RINT1: variants seen among roughly 807,000 people sequenced by gnomAD.
RINT1 encodes RAD50 interactor 1.
RINT1 carries 75 observed loss-of-function variants against 97.7 expected under a neutral mutation model. That is an observed-to-expected ratio of 0.77 (90% CI 0.64 to 0.93). The LOEUF is 0.93. Among genes scored for constraint, RINT1 ranks in the 40% least tolerant of loss-of-function variants. The pLI, the probability that RINT1 is intolerant of heterozygous loss-of-function variation, is 0.00. For missense variants in RINT1, 892 were observed against 925.2 expected (o/e 0.96, Z 0.47); for synonymous variants, 303 against 326.3 (o/e 0.93, Z 0.77).
chr7:105,532,207 C>G lies in RINT1; in HGVS notation c.-109C>G, dbSNP rs1165341726. 5 of 1,233,488 alleles carry G rather than the reference C, an allele frequency of 4.1e-6. No individual in the cohort carries two copies. Among genetic ancestry groups the G allele is most frequent in the Middle Eastern group, 2.7e-4 (1 of 3,700 alleles). 76.4% of individuals were successfully genotyped at this position (1,233,488 alleles called of 1,614,324 possible). A position where few individuals can be genotyped will look rare whatever the true frequency, so the allele number is the denominator to read the frequency against. On this transcript the variant is annotated 5_prime_UTR_variant, in exon 1 of 15. Transcript: ENST00000257700. ...ACATCGAGAGGAAGTCGCTGTGGCACTCAGTCCTACGGCCTCCGAGGCTGG... is the reference window on the plus strand; with the variant it reads ...ACATCGAGAGGAAGTCGCTGTGGCAGTCAGTCCTACGGCCTCCGAGGCTGG...
At position 105,542,661 on chromosome 7, in the gene RINT1, C is replaced by T. The variant is rs916199781; in HGVS notation, c.515+12C>T. 14 of 1,610,318 alleles carry T rather than the reference C, an allele frequency of 8.7e-6. No individual in the cohort carries two copies. Among genetic ancestry groups the T allele is most frequent in the Non-Finnish European group, 1.2e-5 (14 of 1,178,108 alleles). ...ATTGAAGAACTAAGGTAAAATGGGC[C>T]TCTTTGTTCTCACAATTACTATTTT... is the stretch of plus-strand genomic sequence containing the variant. On this transcript the variant is annotated intron_variant, in intron 4 of 14. Transcript: ENST00000257700.
At chr7:105,558,305 A>T (rs917470894) in intron 11 of RINT1, among the ~76,000 whole-genome samples, 1 of 151,678 alleles carries the variant, frequency 6.6e-6, no homozygotes, top group Non-Finnish European at 1.5e-5. Flanking sequence ...AAAAAAAAAA[A>T]AAAATAAAGT....
At chr7:105,547,633 C>T (rs1338150309) in intron 6 of RINT1, among the ~76,000 whole-genome samples, 4 of 151,064 alleles carry the variant, frequency 2.6e-5, no homozygotes, top group East Asian at 1.9e-4. Context: ...AGTGTCATAG[C>T]GTGAATTTAA....
intron 11 of RINT1, among the ~76,000 whole-genome samples, chr7:105,562,785 C>T (rs188567350): frequency 3.9e-5 from 6 of 152,182 alleles, no homozygotes. Flanking sequence ...CGCCCGTAAT[C>T]CCAGGTACTT....
rs368593423 is a variant in RINT1, at chr7:105,539,857, A to G, written c.274-2551A>G. ...TTATTGCATTAATCCCACTGTTGAA[A>G]TTATTTGCTTACAACACTCTTATAT... On this transcript the variant is annotated intron_variant, in intron 3 of 14. Coordinates refer to ENST00000257700, the MANE Select transcript of RINT1 (RefSeq NM_021930.6). 2.7e-3 allele frequency among the ~76,000 whole-genome samples: 405 copies of G among 152,278 alleles called. 3 individuals carry two copies. The highest frequency in any genetic ancestry group is 9.3e-3 in the African/African-American group (385 of 41,552).
intron 3 of RINT1, among the ~76,000 whole-genome samples, chr7:105,540,540 G>T (rs918552629): frequency 2.6e-5 from 4 of 152,132 alleles, no homozygotes; most frequent in Non-Finnish European, 4.4e-5. Context: ...AGGATTACAG[G>T]CATGAGACAC....
At chr7:105,537,483 A>G (rs756145931) in intron 3 of RINT1, among the ~76,000 whole-genome samples, 6 of 152,008 alleles carry the variant, frequency 3.9e-5, no homozygotes, top group Non-Finnish European at 5.9e-5. Flanking sequence ...AGTGAAAAGA[A>G]GTATAACGTA....
intron 9 of RINT1, 102 bp from the exon 10 acceptor site, chr7:105,551,468 T>C: frequency 9.6e-7 from 1 of 1,045,808 alleles, no homozygotes; most frequent in Middle Eastern, 2.4e-4. Flanking sequence ...TAGGTTTGTT[T>C]CTTTTTTATA....
intron 7 of RINT1, among the ~76,000 whole-genome samples, chr7:105,549,749 T>G (rs1790847148): frequency 1.3e-5 from 2 of 152,216 alleles, no homozygotes; most frequent in African/African-American, 4.8e-5. Context: ...GGCCATCAGT[T>G]CTTTGTAATA....
chr7:105,543,051 A>AT (rs929677870), intron 4 of RINT1, among the ~76,000 whole-genome samples: 34 of 146,486 alleles, frequency 2.3e-4, no homozygotes, highest in East Asian at 1.0e-3. Flanking sequence ...TGCCTGGCTA[A>AT]TTTTTTTTTT....
chr7:105,563,901 G>C lies in RINT1; in HGVS notation c.1840G>C (p.Val614Leu). The change falls in exon 12 of 15, where the codon GTT (valine) becomes CTT (leucine). Residue 614 changes from valine to leucine, a missense_variant. Physicochemically the swap from Val to Leu is conservative, Grantham distance 32 (BLOSUM62 1). Coordinates refer to ENST00000257700, the MANE Select transcript of RINT1 (RefSeq NM_021930.6). Reference sequence around the variant, plus strand: ...TATGTTGACCCGTCAAGTAGACCACGTTTTTAGAGAAGTTAAAGATGCTGC... The same window carrying C: ...TATGTTGACCCGTCAAGTAGACCACCTTTTTAGAGAAGTTAAAGATGCTGC... ...HDMLTRQVDHVFREVKDAAKL... is the reference protein window; with the variant it reads ...HDMLTRQVDHLFREVKDAAKL... 2 of 1,614,030 alleles carry C rather than the reference G, an allele frequency of 1.2e-6. No individual in the cohort carries two copies. Among genetic ancestry groups the C allele is most frequent in the Non-Finnish European group, 1.7e-6 (2 of 1,179,986 alleles).
chr7:105,557,040 G>A (rs1328648660), intron 11 of RINT1, among the ~76,000 whole-genome samples: 1 of 152,156 alleles, frequency 6.6e-6, no homozygotes, highest in East Asian at 1.9e-4. Context: ...CAACTTGGGT[G>A]TCCCATAAAG....
chr7:105,550,209 T>A, intron 8 of RINT1, 44 bp downstream of exon 8: 1 of 1,603,196 alleles, frequency 6.2e-7, no homozygotes, highest in South Asian at 1.1e-5. Context: ...GAACTGTATG[T>A]GTGCATGGAT....
intron 11 of RINT1, among the ~76,000 whole-genome samples, chr7:105,559,901 G>C (rs999273880): frequency 6.6e-6 from 1 of 152,180 alleles, no homozygotes; most frequent in Non-Finnish European, 1.5e-5. Context: ...TTTGTTTCAG[G>C]TTCTCTACTG....
rs2133497301 is a variant in RINT1, at chr7:105,567,231, G to A, written c.2299G>A (p.Val767Ile). Reference protein sequence around the residue: ...QLPATAALNEVGIYKLAQQDV... With the variant: ...QLPATAALNEIGIYKLAQQDV... The stretch of plus-strand genomic sequence containing the variant: ...TCCTGCCACAGCAGCATTAAATGAA[G>A]TTGGAATTTACAAACTGGCTCAACA... The change falls in exon 15 of 15, where the codon GTT (valine) becomes ATT (isoleucine). Residue 767 changes from valine to isoleucine, a missense_variant. Coordinates refer to ENST00000257700, the MANE Select transcript of RINT1 (RefSeq NM_021930.6). The A allele has an allele frequency of 6.2e-7, 1 of 1,613,748 alleles. No homozygotes were observed. The highest frequency in any genetic ancestry group is 8.5e-7 in the Non-Finnish European group (1 of 1,179,898).
chr7:105,565,503 T>A (rs1791678860), intron 13 of RINT1, 27 bp from the exon 14 acceptor site: 3 of 1,610,754 alleles, frequency 1.9e-6, no homozygotes, highest in Non-Finnish European at 2.5e-6. Flanking sequence ...TAAAGACAAC[T>A]GTTATATGAA....
rs1791692439 is a variant in RINT1, at chr7:105,565,647, C to T, written c.2185C>T (p.His729Tyr). The change falls in exon 14 of 15, where the codon CAT (histidine) becomes TAT (tyrosine). Residue 729 changes from histidine (H) to tyrosine (Y), a missense_variant and splice_region_variant. Physicochemically the swap from His to Tyr is moderately conservative, Grantham distance 83. Coordinates refer to ENST00000257700, the MANE Select transcript of RINT1 (RefSeq NM_021930.6). ...YCKRPENYFKHIKEACIVLNL... is the reference protein window; with the variant it reads ...YCKRPENYFKYIKEACIVLNL... Reference sequence around the variant, plus strand: ...CAAGAGACCAGAAAATTATTTTAAACAGTAAGCTCAACATTTAACAATTAA... The same window carrying T: ...CAAGAGACCAGAAAATTATTTTAAATAGTAAGCTCAACATTTAACAATTAA... 3.9e-6 allele frequency: 6 copies of T among 1,555,032 alleles called. No individual in the cohort carries two copies. The highest frequency in any genetic ancestry group is 3.4e-5 in the Admixed American group (2 of 59,036).
chr7:105,557,752 TTAAA>T (rs1462415973), intron 11 of RINT1, among the ~76,000 whole-genome samples: 30 of 152,026 alleles, frequency 2.0e-4, no homozygotes, highest in Non-Finnish European at 4.0e-4. Flanking sequence ...TATTTAAATT[TTAAA>T]TAAGCCAAAT....
At chr7:105,548,361 T>C (rs1301223489) in intron 6 of RINT1, among the ~76,000 whole-genome samples, 193 bp from the exon 7 acceptor site, 1 of 152,178 alleles carries the variant, frequency 6.6e-6, no homozygotes, top group Non-Finnish European at 1.5e-5. Flanking sequence ...TTTAACTGAA[T>C]GTATATTCAA....
Sources: gnomAD v4.1 joint callset for allele counts (sites outside exome capture counted in the v4.1 genomes callset) on GRCh38, gnomAD v4.1.1 for gene constraint, MANE v1.5 for transcripts, NCBI Gene and HGNC (gene_info 2026-07-23, HGNC 2026-07-21) for gene names.